The following JMJD7 variants were observed in gnomAD, a reference collection of about 807,000 sequenced individuals.
JMJD7 encodes bifunctional peptidase and (3S)-lysyl hydroxylase JMJD7.
A neutral mutation model predicts 41.1 loss-of-function variants in JMJD7; 41 were observed. That is an observed-to-expected ratio of 1.00 (90% CI 0.78 to 1.30). The LOEUF is 1.30. Among genes scored for constraint, JMJD7 ranks in the 50% most tolerant of loss-of-function variants. JMJD7 has a pLI of 0.00. For synonymous variants in JMJD7, 202 were observed against 177.2 expected (o/e 1.14, Z -1.11); for missense variants, 480 against 420.7 (o/e 1.14, Z -1.23).
intron 1 of JMJD7, among the ~76,000 whole-genome samples, chr15:41,830,818 C>T (rs984583733): frequency 2.6e-5 from 4 of 152,236 alleles, no homozygotes; most frequent in Admixed American, 1.3e-4. Flanking sequence ...CACACCAGCC[C>T]CCTGCCTCCT....
chr15:41,834,958 C>T lies in JMJD7; in HGVS notation c.219-12C>T. ...TGGCATCTGGGCATGGGCTGAGTGT[C>T]CATTCCTCTAGAGCCACAGTGGGCT... On this transcript the variant is annotated splice_polypyrimidine_tract_variant and intron_variant, in intron 2 of 7. Transcript: ENST00000397299. 1 of 1,613,980 alleles carries T rather than the reference C, an allele frequency of 6.2e-7. No individual in the cohort carries two copies. Among genetic ancestry groups the T allele is most frequent in the Non-Finnish European group, 8.5e-7 (1 of 1,179,902 alleles).
At position 41,828,187 on chromosome 15, in the gene JMJD7, G is replaced by C; in HGVS notation, c.63G>C (p.Arg21Ser). The C allele has an allele frequency of 6.7e-7, 1 of 1,503,074 alleles. No individual in the cohort carries two copies. Among genetic ancestry groups the C allele is most frequent in the Non-Finnish European group, 8.8e-7 (1 of 1,137,202 alleles). 93.1% of individuals were successfully genotyped at this position (1,503,074 alleles called of 1,614,324 possible). Residue 21 changes from arginine (R) to serine (S), a missense_variant and splice_region_variant, in exon 1 of 8, where the codon AGG becomes AGC. Coordinates refer to ENST00000397299, the MANE Select transcript of JMJD7 (RefSeq NM_001114632.2). ...SELREFPAAA[R>S]ELCVPLAVPY... Reference sequence around the variant, plus strand: ...TACGAGAATTCCCGGCCGCTGCAAGGGGTGAGTGGCTCTCCCACAGGCTGC... The same window carrying C: ...TACGAGAATTCCCGGCCGCTGCAAGCGGTGAGTGGCTCTCCCACAGGCTGC...
chr15:41,833,653 T>C (rs2065267003), intron 1 of JMJD7, among the ~76,000 whole-genome samples: 1 of 151,694 alleles, frequency 6.6e-6, no homozygotes, highest in South Asian at 2.1e-4. Context: ...CCTCCCGGCC[T>C]CAGCAATCCT....
At chr15:41,833,484 G>A (rs916790921) in intron 1 of JMJD7, among the ~76,000 whole-genome samples, 17 of 138,972 alleles carry the variant, frequency 1.2e-4, no homozygotes, top group South Asian at 1.1e-3. Context: ...GCAGTGGCAC[G>A]ATGATAGCTC....
intron 1 of JMJD7, among the ~76,000 whole-genome samples, chr15:41,831,623 G>A (rs1330586872): frequency 6.6e-6 from 1 of 152,196 alleles, no homozygotes; most frequent in East Asian, 1.9e-4. Context: ...GCTCTGCTGA[G>A]CTGAACACTC....
At chr15:41,835,301 G>A (rs2065295464) in intron 3 of JMJD7, 78 bp downstream of exon 3, 2 of 1,519,272 alleles carry the variant, frequency 1.3e-6, no homozygotes, top group South Asian at 1.2e-5. Context: ...TTGCCCTTAG[G>A]TGATGACCTG....
intron 1 of JMJD7, among the ~76,000 whole-genome samples, chr15:41,833,373 C>G (rs7167677): frequency 7.8e-6 from 1 of 128,896 alleles, no homozygotes; most frequent in Non-Finnish European, 1.6e-5. Flanking sequence ...GAATGATAAA[C>G]AGTTTATGTA....
At chr15:41,830,462 C>T (rs991321480) in intron 1 of JMJD7, among the ~76,000 whole-genome samples, 21 of 152,196 alleles carry the variant, frequency 1.4e-4, no homozygotes, top group African/African-American at 3.4e-4. Flanking sequence ...ACAGAGCTGG[C>T]GGGAACTGGG....
At position 41,837,439 on chromosome 15, in the gene JMJD7, C is replaced by G. The variant is rs1025979773; in HGVS notation, c.*283C>G. On this transcript the variant is annotated 3_prime_UTR_variant, in exon 8 of 8. Coordinates refer to ENST00000397299, the MANE Select transcript of JMJD7 (RefSeq NM_001114632.2). ...CAGCGCTGTGATGTTGGGCGAGTCA[C>G]TGCGTCTCGGGCATTGGTGTCCTGT... 4 of 494,132 alleles carry G rather than the reference C, an allele frequency of 8.1e-6. No homozygotes were observed. Among genetic ancestry groups the G allele is most frequent in the African/African-American group, 7.8e-5 (4 of 51,498 alleles). The allele number at this position is 494,132 out of a possible 1,614,324, so 30.6% of individuals were successfully genotyped here.
chr15:41,835,837 T>TG lies in JMJD7; in HGVS notation c.529+198dup, dbSNP rs1330090412. ...AGGTCGGGGAATGGACCCATGGCAT[T>TG]GGGGGCGGGTGCATTGTTTCTTCTA... On this transcript the variant is annotated intron_variant, in intron 4 of 7. Coordinates refer to ENST00000397299, the MANE Select transcript of JMJD7 (RefSeq NM_001114632.2). 5.3e-5 allele frequency among the ~76,000 whole-genome samples: 8 copies of TG among 152,250 alleles called. No homozygotes were observed. In the South Asian group the frequency reaches 1.7e-3, roughly 32 times the overall value.
rs766939541 is a variant in JMJD7 at position 41,836,522 on chromosome 15, A to C, written c.673A>C (p.Lys225Gln). 1 of 1,592,118 alleles carries C rather than the reference A, an allele frequency of 6.3e-7. No individual in the cohort carries two copies. Among genetic ancestry groups the C allele is most frequent in the Non-Finnish European group, 8.6e-7 (1 of 1,168,896 alleles). The change falls in exon 6 of 8, where the codon AAG becomes CAG. Residue 225 changes from lysine to glutamine, a missense_variant. Lys to Gln is a moderately conservative substitution (Grantham distance 53). Transcript: ENST00000397299. ...CCAGCTAACTGAAGAGGGCACCTTT[A>C]AGGTGGTGGATGAAGAGGCCATGGA... is the stretch of plus-strand genomic sequence containing the variant. The part of the protein sequence containing the change: ...TYQLTEEGTF[K>Q]VVDEEAMEKV...
At chr15:41,836,658 C>CT (rs1019367482) in intron 6 of JMJD7, 107 bp downstream of exon 6, 7 of 1,467,268 alleles carry the variant, frequency 4.8e-6, no homozygotes, top group Admixed American at 2.4e-5. Flanking sequence ...TGAAAAGTCT[C>CT]TAAGTCTGAG....
intron 4 of JMJD7, 31 bp downstream of exon 4, chr15:41,835,675 A>G (rs763957045): frequency 1.2e-6 from 2 of 1,607,082 alleles, no homozygotes; most frequent in South Asian, 1.1e-5. Flanking sequence ...AAGGTGGGGA[A>G]GGAGCAGGTT....
chr15:41,836,545 G>GGA lies in JMJD7; in HGVS notation c.699_700dup (p.Lys234ArgfsTer15). 6.3e-7 allele frequency: 1 copy of GGA among 1,583,012 alleles called. No individual in the cohort carries two copies. Among genetic ancestry groups the GGA allele is most frequent in the Non-Finnish European group, 8.6e-7 (1 of 1,164,122 alleles). On this transcript the variant is annotated frameshift_variant, in exon 6 of 8. Coordinates refer to ENST00000397299, the MANE Select transcript of JMJD7 (RefSeq NM_001114632.2). LOFTEE classifies it high-confidence loss of function. Reference sequence around the variant, plus strand: ...TTAAGGTGGTGGATGAAGAGGCCATGGAGAAGGTGTCTGTCCTGTTCTTGG... The same window carrying GGA: ...TTAAGGTGGTGGATGAAGAGGCCATGGAGAGAAGGTGTCTGTCCTGTTCTTGG...
chr15:41,835,671 G>C, intron 4 of JMJD7, 27 bp downstream of exon 4: 1 of 1,608,838 alleles, frequency 6.2e-7, no homozygotes, highest in Non-Finnish European at 8.5e-7. Flanking sequence ...TACAAAGGTG[G>C]GGAAGGAGCA....
chr15:41,837,513 G>A lies in JMJD7; in HGVS notation c.*357G>A. On this transcript the variant is annotated 3_prime_UTR_variant, in exon 8 of 8. Transcript: ENST00000397299. The stretch of plus-strand genomic sequence containing the variant: ...TACCTCGCGGGGCTGTTGTGGGCTT[G>A]GAGATGATGTCTATGAGGACCAGCA... The A allele has an allele frequency of 3.5e-6, 1 of 289,622 alleles. No individual in the cohort carries two copies. Among genetic ancestry groups the A allele is most frequent in the South Asian group, 6.6e-5 (1 of 15,116 alleles). 17.9% of individuals were successfully genotyped at this position (289,622 alleles called of 1,614,324 possible). A position where few individuals can be genotyped will look rare whatever the true frequency, so the allele number is the denominator to read the frequency against.
intron 1 of JMJD7, among the ~76,000 whole-genome samples, chr15:41,831,695 T>C (rs565293526): frequency 1.3e-5 from 2 of 152,268 alleles, no homozygotes; most frequent in East Asian, 3.9e-4. Context: ...GAACACTCGT[T>C]GGGACACCCT....
In JMJD7 at chr15:41,836,195, A is replaced by G. The variant is rs2140881676; in HGVS notation, c.577A>G (p.Lys193Glu). 1 of 1,612,766 alleles carries G rather than the reference A, an allele frequency of 6.2e-7. No individual in the cohort carries two copies. The highest frequency in any genetic ancestry group is 8.5e-7 in the Non-Finnish European group (1 of 1,179,352). ...CCTCTACTGCGTGGTCTCAGGAGAG[A>G]AGCATTTCCTGTTCCATCCGCCCAG... ...ENLYCVVSGEKHFLFHPPSDR... is the reference protein window; with the variant it reads ...ENLYCVVSGEEHFLFHPPSDR... Residue 193 changes from lysine (K) to glutamate (E), a missense_variant, in exon 5 of 8, where the codon AAG becomes GAG. Coordinates refer to ENST00000397299, the MANE Select transcript of JMJD7 (RefSeq NM_001114632.2).
In JMJD7 at chr15:41,836,489, G is replaced by A. The variant is rs762099456; in HGVS notation, c.640G>A (p.Ala214Thr). The A allele has an allele frequency of 1.9e-6, 3 of 1,588,228 alleles. No individual in the cohort carries two copies. The highest frequency in any genetic ancestry group is 2.3e-5 in the South Asian group (2 of 87,140). Residue 214 changes from alanine (A) to threonine (T), a missense_variant, in exon 6 of 8, where the codon GCA becomes ACA. Coordinates refer to ENST00000397299, the MANE Select transcript of JMJD7 (RefSeq NM_001114632.2). ...PFIPYELYTP[A>T]TYQLTEEGTF... ...TTGGGCTCCAGAGCTGTACACGCCG[G>A]CAACCTACCAGCTAACTGAAGAGGG...
Sources: allele counts gnomAD v4.1 joint callset (sites outside exome capture counted in the v4.1 genomes callset), GRCh38; gene constraint gnomAD v4.1.1; transcripts MANE v1.5; gene names NCBI Gene and HGNC (gene_info 2026-07-23, HGNC 2026-07-21).